Variants in POU6F2 observed in about 807,000 individuals in gnomAD.
The protein encoded by POU6F2 is POU domain, class 6, transcription factor 2.
Under a neutral mutation model 71.3 loss-of-function variants are expected in POU6F2, and 31 were observed. The observed-to-expected ratio is 0.43, with a 90% confidence interval of 0.33 to 0.59. POU6F2 has a LOEUF of 0.59. Among genes scored for constraint, POU6F2 ranks in the 20% least tolerant of loss-of-function variants. The pLI is 0.04. For missense variants in POU6F2, 783 were observed against 856.8 expected (o/e 0.91, Z 1.07); for synonymous variants, 347 against 355.7 (o/e 0.98, Z 0.27).
At chr7:38,988,572 G>A (rs1050160537) in intron 1 of POU6F2, among the ~76,000 whole-genome samples, 23 of 152,054 alleles carry the variant, frequency 1.5e-4, no homozygotes, top group African/African-American at 4.6e-4. Context: ...CCAGAAAAGG[G>A]CTAAATATTT....
chr7:39,386,007 A>G (rs1480280519), intron 5 of POU6F2, among the ~76,000 whole-genome samples: 1 of 151,618 alleles, frequency 6.6e-6, no homozygotes, highest in Non-Finnish European at 1.5e-5. Context: ...AGTCCCAGCT[A>G]CTCGAGAGGC....
chr7:39,135,939 T>G lies in POU6F2; in HGVS notation c.277+49908T>G, dbSNP rs1232426402. 3.3e-5 allele frequency among the ~76,000 whole-genome samples: 5 copies of G among 152,282 alleles called. No individual in the cohort carries two copies. The East Asian group carries it at 9.6e-4, about 29-fold the overall frequency. ...GCAAGTTCATCAAAAGTACAATGGC[T>G]GCAGGATAAATATACAAGAACCAAT... On this transcript the variant is annotated intron_variant, in intron 2 of 9. Transcript: ENST00000518318.
chr7:39,007,798 T>G (rs1056544135), intron 1 of POU6F2, among the ~76,000 whole-genome samples: 1 of 151,540 alleles, frequency 6.6e-6, no homozygotes, highest in African/African-American at 2.4e-5. Flanking sequence ...GTTCTTGCGA[T>G]AGTTTACTGA....
intron 2 of POU6F2, among the ~76,000 whole-genome samples, chr7:39,182,659 C>T (rs554196056): frequency 6.5e-4 from 99 of 152,220 alleles, no homozygotes; most frequent in African/African-American, 2.3e-3. Context: ...TGTTTCTCCT[C>T]GGTTTAACTC....
At chr7:39,197,645 G>T (rs1793815393) in intron 2 of POU6F2, among the ~76,000 whole-genome samples, 1 of 152,208 alleles carries the variant, frequency 6.6e-6, no homozygotes, top group South Asian at 2.1e-4. Flanking sequence ...GACCTTGTCA[G>T]AGCAAGTGTG....
At chr7:39,382,223 G>A (rs139744560) in intron 5 of POU6F2, among the ~76,000 whole-genome samples, 5 of 152,230 alleles carry the variant, frequency 3.3e-5, no homozygotes, top group Admixed American at 2.0e-4. Flanking sequence ...GGTGCTTTTC[G>A]AAGCAGACCC....
intron 5 of POU6F2, among the ~76,000 whole-genome samples, chr7:39,371,544 C>T (rs1786610479): frequency 6.6e-6 from 1 of 152,148 alleles, no homozygotes; most frequent in Non-Finnish European, 1.5e-5. Flanking sequence ...TCTCCTCCTC[C>T]CTCCATCCTT....
chr7:39,382,256 A>C (rs1172889445), intron 5 of POU6F2, among the ~76,000 whole-genome samples: 1 of 152,198 alleles, frequency 6.6e-6, no homozygotes, highest in Middle Eastern at 3.2e-3. Flanking sequence ...GACCCTGCCT[A>C]TCAGAATGGG....
intron 4 of POU6F2, among the ~76,000 whole-genome samples, chr7:39,295,343 C>T (rs1183388881): frequency 1.3e-5 from 2 of 152,054 alleles, no homozygotes; most frequent in African/African-American, 2.4e-5. Context: ...AGGCCCAGTG[C>T]GGTGGCTCAC....
intron 6 of POU6F2, among the ~76,000 whole-genome samples, chr7:39,410,022 A>C (rs540917052): frequency 6.6e-6 from 1 of 152,340 alleles, no homozygotes; most frequent in South Asian, 2.1e-4. Context: ...CAATAGAGTT[A>C]TGAATTTGAA....
chr7:39,193,790 C>G (rs902509153), intron 2 of POU6F2, among the ~76,000 whole-genome samples: 1 of 152,186 alleles, frequency 6.6e-6, no homozygotes, highest in Non-Finnish European at 1.5e-5. Flanking sequence ...TGAGAAAGCC[C>G]GGATACACTC....
intron 6 of POU6F2, 87 bp downstream of exon 6, chr7:39,406,827 G>A: frequency 1.3e-6 from 2 of 1,505,388 alleles, no homozygotes; most frequent in African/African-American, 2.7e-5. Flanking sequence ...ACAGTGATAT[G>A]TAACCGCATC....
intron 2 of POU6F2, among the ~76,000 whole-genome samples, chr7:39,090,679 G>A (rs1791345333): frequency 6.6e-6 from 1 of 151,420 alleles, no homozygotes; most frequent in Non-Finnish European, 1.5e-5. Flanking sequence ...TTTAAAATAT[G>A]TATCATGCTT....
At chr7:39,332,581 G>A (rs1785677791) in intron 4 of POU6F2, among the ~76,000 whole-genome samples, 1 of 152,140 alleles carries the variant, frequency 6.6e-6, no homozygotes, top group African/African-American at 2.4e-5. Flanking sequence ...AATTCTTGGT[G>A]GGAGATAACT....
intron 4 of POU6F2, among the ~76,000 whole-genome samples, chr7:39,252,044 A>G (rs1783930308): frequency 6.6e-6 from 1 of 152,060 alleles, no homozygotes; most frequent in Non-Finnish European, 1.5e-5. Flanking sequence ...CCCAATTTCT[A>G]TCTGAAATGG....
intron 1 of POU6F2, among the ~76,000 whole-genome samples, chr7:39,048,837 A>G (rs990102035): frequency 6.6e-6 from 1 of 151,920 alleles, no homozygotes; most frequent in Admixed American, 6.6e-5. Context: ...ACTTCCCAGC[A>G]TCTATTTTTA....
chr7:39,344,868 T>C (rs1785997317), intron 5 of POU6F2, among the ~76,000 whole-genome samples: 1 of 152,204 alleles, frequency 6.6e-6, no homozygotes, highest in African/African-American at 2.4e-5. Flanking sequence ...GTGTGGCTAC[T>C]GTAAATATAG....
rs749860183 is a variant in POU6F2 at position 39,460,744 on chromosome 7, T to C, written c.1658+29T>C. The C allele has an allele frequency of 1.3e-6, 2 of 1,544,726 alleles. No homozygotes were observed. Among genetic ancestry groups the C allele is most frequent in the Non-Finnish European group, 8.7e-7 (1 of 1,145,008 alleles). ...ACGCGCGCCTGCATGCTGTCACCTCTTCTAGCCGCCCTGGGCCTCATTTGT... is the reference window on the plus strand; with the variant it reads ...ACGCGCGCCTGCATGCTGTCACCTCCTCTAGCCGCCCTGGGCCTCATTTGT... On this transcript the variant is annotated intron_variant, in intron 9 of 9. Coordinates refer to ENST00000518318, the MANE Select transcript of POU6F2 (RefSeq NM_001370959.1). The surrounding 1 kb of genome is among the most constrained non-coding windows in gnomAD (Gnocchi z 4.4).
chr7:39,212,923 A>G (rs942283076), intron 4 of POU6F2, among the ~76,000 whole-genome samples: 19 of 152,308 alleles, frequency 1.2e-4, no homozygotes, highest in Middle Eastern at 3.4e-3. Flanking sequence ...GGAAATGAAG[A>G]TATATACAGC....
Sources: gnomAD v4.1 joint callset for allele counts (sites outside exome capture counted in the v4.1 genomes callset) on GRCh38, gnomAD v4.1.1 for gene constraint, Gnocchi (gnomAD v3.1) non-coding constraint, MANE v1.5 for transcripts, NCBI Gene and HGNC (gene_info 2026-07-23, HGNC 2026-07-21) for gene names.